The following PANX1 variants were observed in gnomAD, a reference collection of about 807,000 sequenced individuals.
The protein encoded by PANX1 is pannexin-1.
Under a neutral mutation model 38.7 loss-of-function variants are expected in PANX1, and 30 were observed. The observed-to-expected ratio is 0.78, with a 90% CI of 0.58 to 1.05. The LOEUF (loss-of-function observed/expected upper bound fraction) is 1.05. Among genes scored for constraint, PANX1 ranks in the 50% least tolerant of loss-of-function variants. The pLI is 0.00. For missense variants in PANX1, 551 were observed against 517.2 expected (o/e 1.07, Z -0.63); for synonymous variants, 230 against 212.2 (o/e 1.08, Z -0.73).
intron 2 of PANX1, among the ~76,000 whole-genome samples, chr11:94,165,039 C>T (rs1260352440): frequency 1.3e-5 from 2 of 152,064 alleles, no homozygotes; most frequent in Non-Finnish European, 2.9e-5. Context: ...TATTTTTCAG[C>T]CCTTCATTTT....
At chr11:94,167,234 G>A (rs768265649) in intron 2 of PANX1, among the ~76,000 whole-genome samples, 40 of 152,288 alleles carry the variant, frequency 2.6e-4, no homozygotes, top group Middle Eastern at 3.4e-3. Flanking sequence ...CTGGGTTTAG[G>A]GGAGGGGTGG....
At chr11:94,159,190 G>A (rs1426040355) in intron 2 of PANX1, among the ~76,000 whole-genome samples, 3 of 151,094 alleles carry the variant, frequency 2.0e-5, no homozygotes, top group Non-Finnish European at 4.4e-5. Flanking sequence ...TGTTCATCAG[G>A]GATATTGGTC....
chr11:94,180,726 A>AT (rs1947295839), intron 4 of PANX1, 64 bp from the exon 5 acceptor site: 1 of 923,360 alleles, frequency 1.1e-6, no homozygotes, highest in Non-Finnish European at 1.8e-6. Context: ...CAGAAGAAAA[A>AT]TTGATTAGTA....
intron 2 of PANX1, among the ~76,000 whole-genome samples, chr11:94,166,149 C>T (rs1013828131): frequency 6.6e-6 from 1 of 151,798 alleles, no homozygotes; most frequent in East Asian, 1.9e-4. Flanking sequence ...ATTTTTGATA[C>T]GTTTACCTTA....
intron 1 of PANX1, among the ~76,000 whole-genome samples, chr11:94,143,618 C>A (rs59912573): frequency 0.026 from 3,955 of 152,194 alleles, 167 homozygotes; most frequent in African/African-American, 0.091. Flanking sequence ...AAAGAGAAAA[C>A]CGAATGTCTA....
intron 2 of PANX1, among the ~76,000 whole-genome samples, chr11:94,170,508 G>T (rs1241206042): frequency 6.6e-6 from 1 of 151,786 alleles, no homozygotes; most frequent in East Asian, 1.9e-4. Flanking sequence ...GAATATTGCT[G>T]CTGTGAACAT....
At chr11:94,149,998 G>T (rs535298836) in intron 1 of PANX1, among the ~76,000 whole-genome samples, 2 of 152,232 alleles carry the variant, frequency 1.3e-5, no homozygotes, top group East Asian at 3.9e-4. Flanking sequence ...GGTTCAAAGT[G>T]GTTTTCTGCA....
chr11:94,155,991 G>A, intron 2 of PANX1, among the ~76,000 whole-genome samples: 1 of 152,158 alleles, frequency 6.6e-6, no homozygotes, highest in East Asian at 1.9e-4. Flanking sequence ...AAGTTCGTTT[G>A]TTATAGTGTT....
At chr11:94,144,849 C>T (rs914530594) in intron 1 of PANX1, among the ~76,000 whole-genome samples, 4 of 152,116 alleles carry the variant, frequency 2.6e-5, no homozygotes, top group African/African-American at 9.7e-5. Context: ...TTTACTTAAC[C>T]TCTCTGAGCC....
At chr11:94,142,843 C>T (rs1196751657) in intron 1 of PANX1, among the ~76,000 whole-genome samples, 3 of 152,180 alleles carry the variant, frequency 2.0e-5, no homozygotes, top group Non-Finnish European at 2.9e-5. Context: ...CGTGTAGAAA[C>T]GGGAAGAATG....
intron 1 of PANX1, among the ~76,000 whole-genome samples, chr11:94,142,604 A>G (rs190963320): frequency 2.6e-5 from 4 of 152,300 alleles, no homozygotes; most frequent in Non-Finnish European, 5.9e-5. Flanking sequence ...TGGTTCAGTC[A>G]TTACCCTTAT....
chr11:94,150,667 C>T (rs1199570879), intron 1 of PANX1, among the ~76,000 whole-genome samples: 1 of 152,156 alleles, frequency 6.6e-6, no homozygotes, highest in Admixed American at 6.5e-5. Flanking sequence ...TGCTTTGCCC[C>T]CCTCTTCACT....
chr11:94,146,339 G>C (rs569251972), intron 1 of PANX1, among the ~76,000 whole-genome samples: 2 of 55,880 alleles, frequency 3.6e-5, no homozygotes, highest in Non-Finnish European at 5.5e-5. Flanking sequence ...AGCAAATCAA[G>C]TTGGAAAAAA....
chr11:94,169,707 T>C (rs973816401), intron 2 of PANX1, among the ~76,000 whole-genome samples: 1 of 151,646 alleles, frequency 6.6e-6, no homozygotes, highest in East Asian at 1.9e-4. Context: ...ATTGGAGTTA[T>C]GCAGCCAAGC....
chr11:94,129,146 T>C lies in PANX1; in HGVS notation c.-167T>C. 6.5e-6 allele frequency: 3 copies of C among 464,710 alleles called. No individual in the cohort carries two copies. Among genetic ancestry groups the C allele is most frequent in the South Asian group, 4.9e-5 (1 of 20,382 alleles). 28.8% of individuals were successfully genotyped at this position (464,710 alleles called of 1,614,324 possible). On this transcript the variant is annotated 5_prime_UTR_variant, in exon 1 of 5. Coordinates refer to ENST00000227638, the MANE Select transcript of PANX1 (RefSeq NM_015368.4). ...CAGCGAGCGCGAGAGCCCAGCGGAG[T>C]CGCTGGGAGCCTGAGGCACCGAGAC... is the stretch of plus-strand genomic sequence containing the variant.
At chr11:94,166,310 G>T (rs1430538537) in intron 2 of PANX1, among the ~76,000 whole-genome samples, 1 of 152,142 alleles carries the variant, frequency 6.6e-6, no homozygotes, top group Non-Finnish European at 1.5e-5. Flanking sequence ...TCAGACTGAA[G>T]AACTCCTTTT....
At chr11:94,180,340 C>T in intron 4 of PANX1, 83 bp downstream of exon 4, 1 of 1,186,788 alleles carries the variant, frequency 8.4e-7, no homozygotes, top group East Asian at 2.4e-5. Context: ...CAGTCTTTAC[C>T]CTGCCCATCA....
chr11:94,156,737 T>A (rs970307400), intron 2 of PANX1, among the ~76,000 whole-genome samples: 19 of 152,146 alleles, frequency 1.2e-4, no homozygotes, highest in South Asian at 2.1e-4. Flanking sequence ...TCCTTTTTTT[T>A]AATTATACTT....
chr11:94,134,506 C>G (rs747881539), intron 1 of PANX1, among the ~76,000 whole-genome samples: 183 of 152,288 alleles, frequency 1.2e-3, no homozygotes, highest in African/African-American at 4.2e-3. Flanking sequence ...ATTCATATGT[C>G]GAAGTCCTGA....
Sources: gnomAD v4.1 joint callset for allele counts (sites outside exome capture counted in the v4.1 genomes callset) on GRCh38, gnomAD v4.1.1 for gene constraint, MANE v1.5 for transcripts, NCBI Gene and HGNC (gene_info 2026-07-23, HGNC 2026-07-21) for gene names.